Variants in EXT1 observed in about 807,000 individuals in gnomAD.
EXT1 encodes the protein exostosin-1.
Under a neutral mutation model 82.5 loss-of-function variants are expected in EXT1, and 20 were observed. The ratio of observed to expected loss-of-function variants is 0.24; its 90% CI spans 0.17 to 0.35. The LOEUF (loss-of-function observed/expected upper bound fraction) is 0.35, where lower values mean the gene tolerates loss of function less well. Ranked by LOEUF, EXT1 falls within the 10% of genes least tolerant of loss-of-function variation. EXT1 has a pLI of 1.00. For synonymous variants in EXT1, 348 were observed against 350.8 expected, an observed-to-expected ratio of 0.99 and a Z score of 0.09; for missense variants, 757 against 936.5, an observed-to-expected ratio of 0.81 and a Z score of 2.50.
chr8:117,962,760 C>A (rs1432812478), intron 1 of EXT1, among the ~76,000 whole-genome samples: 1,497 of 131,700 alleles, frequency 0.011, 35 homozygotes, highest in African/African-American at 0.053. Context: ...CCCCCCACAC[C>A]CCCCACCCCC....
intron 1 of EXT1, among the ~76,000 whole-genome samples, chr8:117,898,960 C>T (rs1813393797): frequency 6.6e-6 from 1 of 152,116 alleles, no homozygotes; most frequent in Admixed American, 6.5e-5. Context: ...CCAAATGCTT[C>T]CTTTTTTTAC....
At chr8:117,878,047 C>G (rs1017092549) in intron 1 of EXT1, among the ~76,000 whole-genome samples, 1 of 152,048 alleles carries the variant, frequency 6.6e-6, no homozygotes, top group African/African-American at 2.4e-5. Context: ...CCGAGGTGGG[C>G]GGATCACTTG....
intron 1 of EXT1, among the ~76,000 whole-genome samples, chr8:118,014,336 A>T (rs17431367): frequency 0.031 from 4,665 of 152,226 alleles, 72 homozygotes; most frequent in Non-Finnish European, 0.038. Context: ...CCTTTATCCC[A>T]CCCAAAAAGG....
At chr8:117,859,821 A>G (rs1473959585) in intron 1 of EXT1, among the ~76,000 whole-genome samples, 1 of 152,206 alleles carries the variant, frequency 6.6e-6, no homozygotes, top group Non-Finnish European at 1.5e-5. Flanking sequence ...TGTATATACC[A>G]TGGGATACTA....
chr8:118,047,603 C>T lies in EXT1; in HGVS notation c.962+62482G>A, dbSNP rs17505562. 2.6e-3 allele frequency among the ~76,000 whole-genome samples: 397 copies of T among 152,292 alleles called. 6 individuals are homozygous for T. In the South Asian group the frequency reaches 0.037, roughly 14 times the overall value. ...TCTCTTTTCCCATCCATACATCTCA[C>T]TCACAATTATCTCTGAATATGTGAT... is the stretch of plus-strand genomic sequence containing the variant. On this transcript the variant is annotated intron_variant, in intron 1 of 10. Transcript: ENST00000378204.
chr8:117,950,341 C>T (rs541432602), intron 1 of EXT1, among the ~76,000 whole-genome samples: 7 of 152,216 alleles, frequency 4.6e-5, no homozygotes, highest in Admixed American at 4.6e-4. Flanking sequence ...ACAGACCTTT[C>T]GACCAGCAGC....
chr8:118,063,716 T>C (rs1251638862), intron 1 of EXT1, among the ~76,000 whole-genome samples: 1 of 152,246 alleles, frequency 6.6e-6, no homozygotes, highest in Non-Finnish European at 1.5e-5. Context: ...TAGACTCTCC[T>C]GTGAGATCAC....
intron 1 of EXT1, among the ~76,000 whole-genome samples, chr8:117,968,549 AT>A (rs1467121297): frequency 8.8e-5 from 1 of 11,318 alleles, no homozygotes; most frequent in Non-Finnish European, 1.8e-4. Flanking sequence ...TTATTTATTT[AT>A]TTATTTTTTT....
chr8:117,848,077 A>G (rs1193483437), intron 1 of EXT1, among the ~76,000 whole-genome samples: 1 of 152,200 alleles, frequency 6.6e-6, no homozygotes, highest in African/African-American at 2.4e-5. Context: ...AGGCTGATAT[A>G]GCACATTCAC....
chr8:117,860,918 G>A (rs1812673388), intron 1 of EXT1, among the ~76,000 whole-genome samples: 1 of 152,212 alleles, frequency 6.6e-6, no homozygotes, highest in Non-Finnish European at 1.5e-5. Context: ...CTCAGATGCT[G>A]GAAGCAGCTT....
chr8:117,981,968 T>C (rs1815215499), intron 1 of EXT1, among the ~76,000 whole-genome samples: 3 of 152,214 alleles, frequency 2.0e-5, no homozygotes, highest in South Asian at 4.1e-4. Flanking sequence ...TTTCATTTTT[T>C]ACAGTTTAGA....
intron 1 of EXT1, among the ~76,000 whole-genome samples, chr8:117,911,645 A>C (rs868461791): frequency 6.6e-6 from 1 of 152,156 alleles, no homozygotes; most frequent in African/African-American, 2.4e-5. Flanking sequence ...TTTCTCAAAC[A>C]CTTATTCTGC....
chr8:117,932,369 T>C (rs964224484), intron 1 of EXT1, among the ~76,000 whole-genome samples: 2 of 152,182 alleles, frequency 1.3e-5, no homozygotes, highest in Non-Finnish European at 2.9e-5. Context: ...AGATATTTTG[T>C]TCACAGAAGA....
At chr8:117,867,644 A>C (rs1812797615) in intron 1 of EXT1, among the ~76,000 whole-genome samples, 1 of 151,850 alleles carries the variant, frequency 6.6e-6, no homozygotes, top group Non-Finnish European at 1.5e-5. Flanking sequence ...ACCAATCTAC[A>C]AAGAGACTGT....
At chr8:117,850,639 T>A (rs1216512664) in intron 1 of EXT1, among the ~76,000 whole-genome samples, 2 of 152,222 alleles carry the variant, frequency 1.3e-5, no homozygotes, top group East Asian at 3.8e-4. Context: ...CAAAGCCAAG[T>A]CAGAGCTAAA....
intron 5 of EXT1, 149 bp downstream of exon 5, chr8:117,822,314 TGA>T: frequency 1.2e-6 from 1 of 859,352 alleles, no homozygotes; most frequent in South Asian, 1.5e-5. Context: ...TTTTTGAACT[TGA>T]TATGTCACTT....
chr8:117,844,846 C>T (rs1322588476), intron 1 of EXT1, among the ~76,000 whole-genome samples: 4 of 152,034 alleles, frequency 2.6e-5, no homozygotes, highest in East Asian at 1.9e-4. Context: ...GGAAGGCACT[C>T]GCTATTTGGA....
intron 1 of EXT1, among the ~76,000 whole-genome samples, chr8:118,045,287 C>T (rs1350258436): frequency 2.0e-5 from 3 of 152,126 alleles, no homozygotes; most frequent in African/African-American, 7.2e-5. Flanking sequence ...GAAACTGCCC[C>T]ATCACTCAAA....
At chr8:118,036,594 G>A (rs1482473392) in intron 1 of EXT1, among the ~76,000 whole-genome samples, 2 of 152,052 alleles carry the variant, frequency 1.3e-5, no homozygotes, top group African/African-American at 2.4e-5. Flanking sequence ...TTTCCCTTTG[G>A]GGGTCATTTA....
Sources: gnomAD v4.1 joint callset for allele counts (sites outside exome capture counted in the v4.1 genomes callset) on GRCh38, gnomAD v4.1.1 for gene constraint, MANE v1.5 for transcripts, NCBI Gene and HGNC (gene_info 2026-07-23, HGNC 2026-07-21) for gene names.